Variants in NEK11 observed in about 807,000 individuals in gnomAD.
NEK11 encodes NIMA related kinase 11, also known as serine/threonine-protein kinase Nek11.
NEK11 carries 72 observed loss-of-function variants against 80.7 expected under a neutral mutation model. The ratio of observed to expected loss-of-function variants is 0.89; its 90% CI spans 0.74 to 1.08. The LOEUF (loss-of-function observed/expected upper bound fraction) is 1.08, where lower values mean the gene tolerates loss of function less well. Among genes scored for constraint, NEK11 ranks in the 50% least tolerant of loss-of-function variants. The pLI, the probability that NEK11 is intolerant of heterozygous loss-of-function variation, is 0.00. For synonymous variants in NEK11, 251 were observed against 260.7 expected (o/e 0.96, Z 0.36); for missense variants, 764 against 763.6 (o/e 1.00, Z -0.01).
chr3:131,272,405 T>C (rs1053818304), intron 16 of NEK11, among the ~76,000 whole-genome samples: 6 of 149,034 alleles, frequency 4.0e-5, no homozygotes, highest in Non-Finnish European at 5.9e-5. Context: ...TAGGGCCAAA[T>C]TGTAAATTCA....
At chr3:131,269,301 G>A (rs1042646057) in intron 16 of NEK11, among the ~76,000 whole-genome samples, 4 of 152,166 alleles carry the variant, frequency 2.6e-5, no homozygotes, top group African/African-American at 9.7e-5. Flanking sequence ...GGCATTCCAG[G>A]TGCCACTGGA....
At chr3:131,030,187 C>T (rs564734421) in intron 3 of NEK11, among the ~76,000 whole-genome samples, 8 of 151,512 alleles carry the variant, frequency 5.3e-5, no homozygotes, top group Non-Finnish European at 8.8e-5. Context: ...TGCAGTGAGC[C>T]GAGATCATGC....
intron 14 of NEK11, among the ~76,000 whole-genome samples, chr3:131,171,314 A>G (rs1420622648): frequency 6.6e-6 from 1 of 152,198 alleles, no homozygotes; most frequent in Non-Finnish European, 1.5e-5. Flanking sequence ...ACCAGAAAAT[A>G]AAAGTGCTCA....
At position 131,146,731 on chromosome 3, in the gene NEK11, A is replaced by C. The variant is rs149460620; in HGVS notation, c.648-5657A>C. Among the ~76,000 whole-genome samples, 298 of 151,828 alleles carry C rather than the reference A, an allele frequency of 2.0e-3. 1 individual carries two copies. Among genetic ancestry groups the C allele is most frequent in the African/African-American group, 6.8e-3 (280 of 41,394 alleles). On this transcript the variant is annotated intron_variant, in intron 7 of 17. Transcript: ENST00000383366. ...TGGTATTGTCTGTCTTTTTCTTTTT[A>C]GCCATTCTGATGAGTGTGTAGCATG...
At chr3:131,044,902 C>G (rs2067152150) in intron 3 of NEK11, among the ~76,000 whole-genome samples, 1 of 152,098 alleles carries the variant, frequency 6.6e-6, no homozygotes, top group Admixed American at 6.5e-5. Flanking sequence ...TGCAAAAGAT[C>G]AGAAATCATA....
At chr3:131,341,767 T>C (rs2097291156) in intron 17 of NEK11, among the ~76,000 whole-genome samples, 1 of 152,230 alleles carries the variant, frequency 6.6e-6, no homozygotes, top group African/African-American at 2.4e-5. Flanking sequence ...TAATGCTTTT[T>C]TAACTTAAAA....
intron 17 of NEK11, among the ~76,000 whole-genome samples, chr3:131,274,421 G>A (rs1226923102): frequency 3.4e-5 from 5 of 146,800 alleles, no homozygotes; most frequent in East Asian, 2.0e-4. Context: ...ATAAACATAC[G>A]TGTGCATGTG....
chr3:131,085,968 A>G (rs918573512), intron 4 of NEK11, among the ~76,000 whole-genome samples: 4 of 151,908 alleles, frequency 2.6e-5, no homozygotes, highest in Non-Finnish European at 5.9e-5. Context: ...CTGGCAAGCT[A>G]TTTTGTAGAA....
At chr3:131,242,010 T>C (rs538261260) in intron 15 of NEK11, among the ~76,000 whole-genome samples, 1 of 152,298 alleles carries the variant, frequency 6.6e-6, no homozygotes, top group Admixed American at 6.5e-5. Context: ...TTCCTTCAGA[T>C]ATGATAGTTT....
intron 17 of NEK11, among the ~76,000 whole-genome samples, chr3:131,276,424 T>G (rs2096292295): frequency 6.6e-6 from 1 of 152,130 alleles, no homozygotes; most frequent in African/African-American, 2.4e-5. Flanking sequence ...TGCAGAACTG[T>G]GCTGAGTTGG....
At chr3:131,085,398 A>T (rs2075840918) in intron 4 of NEK11, among the ~76,000 whole-genome samples, 1 of 152,184 alleles carries the variant, frequency 6.6e-6, no homozygotes, top group Non-Finnish European at 1.5e-5. Flanking sequence ...CATAACAGAG[A>T]TAATATGATA....
At chr3:131,059,285 C>T (rs1484095412) in intron 3 of NEK11, among the ~76,000 whole-genome samples, 1 of 152,002 alleles carries the variant, frequency 6.6e-6, no homozygotes, top group Non-Finnish European at 1.5e-5. Flanking sequence ...TATGCCCAAA[C>T]CCATCAAATT....
chr3:131,330,177 AAG>A (rs1430979912), intron 17 of NEK11: 1 of 152,200 alleles, frequency 6.6e-6, no homozygotes, highest in Admixed American at 6.5e-5. Flanking sequence ...ATGTGAGAGA[AAG>A]AGAGGAATCA....
chr3:131,238,065 C>T (rs1580694534), intron 15 of NEK11, among the ~76,000 whole-genome samples: 1 of 152,186 alleles, frequency 6.6e-6, no homozygotes, highest in East Asian at 1.9e-4. Context: ...GTTTCTGGAA[C>T]ACACCAAGCA....
intron 5 of NEK11, among the ~76,000 whole-genome samples, chr3:131,112,727 A>T (rs2080336468): frequency 6.6e-6 from 1 of 152,194 alleles, no homozygotes; most frequent in Admixed American, 6.5e-5. Context: ...AGTATGATGA[A>T]AAATGGGTCA....
intron 13 of NEK11, 53 bp from the exon 14 acceptor site, chr3:131,170,720 A>T (rs111500010): frequency 2.9e-6 from 3 of 1,028,714 alleles, no homozygotes; most frequent in Admixed American, 1.7e-5. Flanking sequence ...CATTTGTGGT[A>T]GTGCTGTTTC....
intron 14 of NEK11, among the ~76,000 whole-genome samples, chr3:131,224,825 C>T (rs746526619): frequency 2.2e-4 from 33 of 152,046 alleles, no homozygotes; most frequent in Non-Finnish European, 4.3e-4. Context: ...AGAAAAAATG[C>T]TTATTGACTA....
At chr3:131,335,562 C>T (rs1462136776) in intron 17 of NEK11, among the ~76,000 whole-genome samples, 2 of 152,140 alleles carry the variant, frequency 1.3e-5, no homozygotes, top group African/African-American at 4.8e-5. Context: ...TGGCACAAGC[C>T]AGGGATGCCC....
At chr3:131,086,507 T>C (rs1474849081) in intron 4 of NEK11, among the ~76,000 whole-genome samples, 1 of 152,218 alleles carries the variant, frequency 6.6e-6, no homozygotes, top group Non-Finnish European at 1.5e-5. Flanking sequence ...GTACCGTCAC[T>C]GTTTATTTTG....
Sources: allele counts gnomAD v4.1 joint callset (sites outside exome capture counted in the v4.1 genomes callset), GRCh38; gene constraint gnomAD v4.1.1; transcripts MANE v1.5; gene names NCBI Gene and HGNC (gene_info 2026-07-23, HGNC 2026-07-21).